The following LONRF1 variants were observed in gnomAD, a reference collection of about 807,000 sequenced individuals.
LONRF1 encodes LON peptidase N-terminal domain and ring finger 1.
A neutral mutation model predicts 85.8 loss-of-function variants in LONRF1; 37 were observed. The ratio of observed to expected loss-of-function variants is 0.43; its 90% confidence interval spans 0.33 to 0.57. The LOEUF (loss-of-function observed/expected upper bound fraction) is 0.57. LONRF1 is among the 20% of genes least tolerant of loss of function. LONRF1 has a pLI of 0.04. For synonymous variants in LONRF1, 517 were observed against 390.1 expected, an observed-to-expected ratio of 1.33 and a Z score of -3.83; for missense variants, 1,036 against 978.0, an observed-to-expected ratio of 1.06 and a Z score of -0.79.
Position 12,755,055 on chromosome 8 carries a change from T to A in LONRF1, c.366A>T (p.Arg122Ser). The change falls in exon 1 of 12, where the codon AGA becomes AGT. Residue 122 changes from arginine to serine, a missense_variant. By Grantham distance (110) the Arg-to-Ser change is moderately radical. This residue lies in a region of LONRF1 where 742 missense variants were observed against 614.4 expected (regional missense o/e 1.21). Coordinates refer to ENST00000398246, the MANE Select transcript of LONRF1 (RefSeq NM_152271.5). ...GADGGAGGLL[R>S]CLGCRGFLSE... ...TCAGGAAGCCCCGGCAGCCCAGGCA[T>A]CTGAGGAGCCCGCCGGCGCCGCCGT... is the stretch of plus-strand genomic sequence containing the variant. The A allele has an allele frequency of 1.4e-6, 2 of 1,478,128 alleles. No homozygotes were observed. 91.6% of individuals were successfully genotyped at this position (1,478,128 alleles called of 1,614,324 possible).
intron 1 of LONRF1, chr8:12,754,481 T>G: frequency 2.3e-6 from 1 of 435,016 alleles, no homozygotes; most frequent in Non-Finnish European, 3.6e-6. Flanking sequence ...CCGCGCCGCG[T>G]CACAGTCGGC....
chr8:12,748,139 T>C (rs112197127), intron 1 of LONRF1, among the ~76,000 whole-genome samples: 4,596 of 152,308 alleles, frequency 0.03, 108 homozygotes, highest in South Asian at 0.12. Context: ...CGTCTATCTT[T>C]ATGTACCTGC....
intron 10 of LONRF1, among the ~76,000 whole-genome samples, chr8:12,727,599 A>G (rs1293653984): frequency 6.6e-6 from 1 of 152,140 alleles, no homozygotes; most frequent in Non-Finnish European, 1.5e-5. Context: ...ATTAATACAT[A>G]TAGTCATGTA....
chr8:12,726,466 C>G (rs1298492586), intron 10 of LONRF1, among the ~76,000 whole-genome samples: 1 of 152,208 alleles, frequency 6.6e-6, no homozygotes, highest in Non-Finnish European at 1.5e-5. Flanking sequence ...CTTCTGCTGG[C>G]AAGGCCCAAG....
chr8:12,744,835 G>C (rs958552218), intron 1 of LONRF1, among the ~76,000 whole-genome samples: 1 of 151,944 alleles, frequency 6.6e-6, no homozygotes, highest in Non-Finnish European at 1.5e-5. Flanking sequence ...CCTCCAGCGA[G>C]GAGTTCACTA....
intron 2 of LONRF1, among the ~76,000 whole-genome samples, chr8:12,742,658 T>G (rs1205807858): frequency 2.0e-5 from 3 of 152,134 alleles, no homozygotes; most frequent in African/African-American, 7.2e-5. Flanking sequence ...GTACCATGAA[T>G]TGTTTGTTCC....
At chr8:12,751,880 A>G (rs1261770953) in intron 1 of LONRF1, among the ~76,000 whole-genome samples, 1 of 152,184 alleles carries the variant, frequency 6.6e-6, no homozygotes, top group Non-Finnish European at 1.5e-5. Context: ...AAAACTTTAC[A>G]TAATATCCCT....
Position 12,747,083 on chromosome 8 carries a change from G to A in LONRF1, c.722-3801C>T, listed in dbSNP as rs184857852. 5.2e-4 allele frequency among the ~76,000 whole-genome samples: 79 copies of A among 152,236 alleles called. No individual in the cohort carries two copies. In the Middle Eastern group the frequency reaches 0.017, roughly 33 times the overall value. On this transcript the variant is annotated intron_variant, in intron 1 of 11. Transcript: ENST00000398246. ...ATCCTGGCTTTGATAAATGTTTCCTGAATTAGAAAAAATTCATTAAAATTT... is the reference window on the plus strand; with the variant it reads ...ATCCTGGCTTTGATAAATGTTTCCTAAATTAGAAAAAATTCATTAAAATTT...
chr8:12,738,808 G>C (rs1366390006), intron 3 of LONRF1: 5 of 152,116 alleles, frequency 3.3e-5, no homozygotes, highest in African/African-American at 9.7e-5. Context: ...GAAGAACATG[G>C]CTAGAATGAA....
chr8:12,753,173 T>C (rs986588227), intron 1 of LONRF1: 1 of 152,118 alleles, frequency 6.6e-6, no homozygotes, highest in African/African-American at 2.4e-5. Flanking sequence ...TATACCTGCC[T>C]ACTCCTCACG....
At chr8:12,747,357 T>A (rs1380392979) in intron 1 of LONRF1, among the ~76,000 whole-genome samples, 1 of 152,208 alleles carries the variant, frequency 6.6e-6, no homozygotes, top group Non-Finnish European at 1.5e-5. Context: ...GTTGTTTCTT[T>A]AGTTCACCTT....
intron 11 of LONRF1, among the ~76,000 whole-genome samples, chr8:12,724,398 G>GAA (rs1806070789): frequency 6.6e-6 from 1 of 152,218 alleles, no homozygotes; most frequent in African/African-American, 2.4e-5. Flanking sequence ...TTCCCCACTA[G>GAA]TTCTTCAGAA....
At chr8:12,729,403 G>C (rs1203524538) in intron 8 of LONRF1, 71 bp from the exon 9 acceptor site, 17 of 1,471,704 alleles carry the variant, frequency 1.2e-5, no homozygotes, top group Middle Eastern at 3.5e-4. Context: ...CAAAAAATGA[G>C]TGAGGTTTAT....
At chr8:12,734,515 A>T (rs1323276152) in intron 7 of LONRF1, among the ~76,000 whole-genome samples, 1 of 152,232 alleles carries the variant, frequency 6.6e-6, no homozygotes, top group African/African-American at 2.4e-5. Flanking sequence ...TTAGCCTGAC[A>T]GTAGGTGATC....
intron 7 of LONRF1, 131 bp downstream of exon 7, chr8:12,735,155 T>C: frequency 1.6e-6 from 1 of 634,896 alleles, no homozygotes; most frequent in Non-Finnish European, 2.7e-6. Context: ...AATAAAACAT[T>C]ATCCTTGTTA....
intron 5 of LONRF1, 39 bp from the exon 6 acceptor site, chr8:12,736,836 A>G (rs1798735368): frequency 1.3e-6 from 2 of 1,585,070 alleles, no homozygotes; most frequent in African/African-American, 2.7e-5. Flanking sequence ...TCCTTAGGAA[A>G]AACTTTAAAG....
chr8:12,733,149 T>C (rs1294273760), intron 7 of LONRF1, among the ~76,000 whole-genome samples: 1 of 152,098 alleles, frequency 6.6e-6, no homozygotes, highest in Non-Finnish European at 1.5e-5. Flanking sequence ...CAGGGGAGCA[T>C]GGGGAGAGGT....
chr8:12,749,256 T>G (rs1799284564), intron 1 of LONRF1, among the ~76,000 whole-genome samples: 1 of 152,022 alleles, frequency 6.6e-6, no homozygotes, highest in African/African-American at 2.4e-5. Context: ...AATGGTAGCC[T>G]AGATAAGAAA....
chr8:12,725,953 T>G (rs1226953406), intron 10 of LONRF1, 74 bp from the exon 11 acceptor site: 3 of 1,399,618 alleles, frequency 2.1e-6, no homozygotes, highest in Non-Finnish European at 3.0e-6. Flanking sequence ...CCGACACAAA[T>G]GGAAAAAGGG....
Sources: allele counts gnomAD v4.1 joint callset (sites outside exome capture counted in the v4.1 genomes callset), GRCh38; gene constraint gnomAD v4.1.1; regional missense constraint gnomAD v4.1.1; transcripts MANE v1.5; gene names NCBI Gene and HGNC (gene_info 2026-07-23, HGNC 2026-07-21).